The following PHF12 variants were observed in gnomAD, a reference collection of about 807,000 sequenced individuals.
PHF12 encodes PHD factor 1.
Under a neutral mutation model 99.8 loss-of-function variants are expected in PHF12, and 6 were observed. That is an observed-to-expected ratio of 0.06 (90% CI 0.03 to 0.12). PHF12 has a LOEUF of 0.12. Ranked by LOEUF, PHF12 falls within the 10% of genes least tolerant of loss-of-function variation. The probability of loss-of-function intolerance (pLI) is 1.00; values close to 1 mark genes in which losing one functional copy is unlikely to be tolerated. For synonymous variants in PHF12, 480 were observed against 514.9 expected, an observed-to-expected ratio of 0.93 and a Z score of 0.92; for missense variants, 954 against 1,300.1, an observed-to-expected ratio of 0.73 and a Z score of 4.09.
chr17:28,941,818 G>C (rs2040622257), intron 2 of PHF12, among the ~76,000 whole-genome samples: 1 of 152,112 alleles, frequency 6.6e-6, no homozygotes, highest in South Asian at 2.1e-4. Context: ...TGTTGGTCAG[G>C]CTGGTCTCGA....
At position 28,906,040 on chromosome 17, in the gene PHF12, AGGTTT is replaced by A. The variant is rs1278469063; in HGVS notation, c.*138_*142del. ...AAAGGATTTTTAAAAAACAGTCAAA[AGGTTT>A]TCTTCATTTCATGCAAAGATTGTAG... On this transcript the variant is annotated 3_prime_UTR_variant, in exon 15 of 15. Coordinates refer to ENST00000332830, the MANE Select transcript of PHF12 (RefSeq NM_001033561.2). The surrounding 1 kb of genome is among the most constrained non-coding windows in gnomAD (Gnocchi z 4.2). 1.2e-6 allele frequency: 1 copy of A among 809,598 alleles called. No individual in the cohort carries two copies. The highest frequency in any genetic ancestry group is 1.8e-6 in the Non-Finnish European group (1 of 547,802). 50.2% of individuals were successfully genotyped at this position (809,598 alleles called of 1,614,324 possible). A position where few individuals can be genotyped will look rare whatever the true frequency, so the allele number is the denominator to read the frequency against.
intron 2 of PHF12, among the ~76,000 whole-genome samples, chr17:28,937,621 C>T (rs2040533258): frequency 1.3e-5 from 2 of 152,156 alleles, no homozygotes; most frequent in African/African-American, 4.8e-5. Context: ...GTAGAGCTGG[C>T]TGGTGGCATC....
In PHF12 at chr17:28,923,653, C is replaced by CAAAAAAAAAAAAAAAAAAAAAAA. The variant is rs35263191; in HGVS notation, c.715+255_715+256insTTTTTTTTTTTTTTTTTTTTTTT. ...AGCCTGAGTGACAAAGTGAGACTCA[C>CAAAAAAAAAAAAAAAAAAAAAAA]AAAAAAAAAAAAAAAAAAAAAAGGA... On this transcript the variant is annotated intron_variant, in intron 4 of 14. Coordinates refer to ENST00000332830, the MANE Select transcript of PHF12 (RefSeq NM_001033561.2). 9.0e-4 allele frequency among the ~76,000 whole-genome samples: 39 copies of CAAAAAAAAAAAAAAAAAAAAAAA among 43,478 alleles called. 2 individuals are homozygous for CAAAAAAAAAAAAAAAAAAAAAAA. The highest frequency in any genetic ancestry group is 1.7e-3 in the African/African-American group (18 of 10,378). 28.5% of individuals were successfully genotyped at this position (43,478 alleles called of 152,430 possible). A position where few individuals can be genotyped will look rare whatever the true frequency, so the allele number is the denominator to read the frequency against.
chr17:28,914,044 A>G lies in PHF12; in HGVS notation c.1135-7T>C. 8 of 1,594,544 alleles carry G rather than the reference A, an allele frequency of 5.0e-6. No homozygotes were observed. The highest frequency in any genetic ancestry group is 6.9e-6 in the Non-Finnish European group (8 of 1,164,006). On this transcript the variant is annotated splice_region_variant and splice_polypyrimidine_tract_variant and intron_variant, in intron 7 of 14. Transcript: ENST00000332830. Reference sequence around the variant, plus strand: ...ATTTTATAGCATCAGGAACCTGTTCAGGATAGATAGAAGGAGGAAGGAGAG... The same window carrying G: ...ATTTTATAGCATCAGGAACCTGTTCGGGATAGATAGAAGGAGGAAGGAGAG...
At chr17:28,911,289 C>T (rs952957880) in intron 9 of PHF12, 52 bp from the exon 10 acceptor site, 18 of 1,606,640 alleles carry the variant, frequency 1.1e-5, no homozygotes, top group Admixed American at 1.7e-5. Context: ...GGAAACCCAC[C>T]GTCCAATCCC....
rs1371857024 is a variant in PHF12 at position 28,910,462 on chromosome 17, C to G, written c.2216-93G>C. 4.2e-6 allele frequency: 6 copies of G among 1,428,310 alleles called. No homozygotes were observed. The Admixed American group carries it at 1.3e-4, about 30-fold the overall frequency. The allele number at this position is 1,428,310 out of a possible 1,614,324, so 88.5% of individuals were successfully genotyped here. ...TCACAGAGCAAATAGTTTGGCATTT[C>G]TAAAATCCAGCCAAGTGATTTTTAC... On this transcript the variant is annotated intron_variant, in intron 10 of 14. Coordinates refer to ENST00000332830, the MANE Select transcript of PHF12 (RefSeq NM_001033561.2).
rs565689318 is a variant in PHF12, at chr17:28,907,908, G to C, written c.2459-236C>G. 146 of 408,552 alleles carry C rather than the reference G, an allele frequency of 3.6e-4. 4 individuals carry two copies. Among genetic ancestry groups the C allele is most frequent in the South Asian group, 1.6e-3 (67 of 41,100 alleles). 25.3% of individuals were successfully genotyped at this position (408,552 alleles called of 1,614,324 possible). On this transcript the variant is annotated intron_variant, in intron 12 of 14. Transcript: ENST00000332830. ...CTGATCTGCTTTAGAACATGTGGCT[G>C]CTACCCAGAAGGGAAGAGTGAGCTA... is the stretch of plus-strand genomic sequence containing the variant.
chr17:28,922,806 C>A (rs964540297), intron 4 of PHF12, among the ~76,000 whole-genome samples: 1 of 152,092 alleles, frequency 6.6e-6, no homozygotes, highest in Admixed American at 6.6e-5. Flanking sequence ...GAAGGCCAGG[C>A]GCAGTGGCTC....
rs201543173 is a variant in PHF12, at chr17:28,911,245, C to T, written c.2090-8G>A. 6.4e-5 allele frequency: 104 copies of T among 1,613,902 alleles called. No homozygotes were observed. The African/African-American group carries it at 1.0e-3, about 16-fold the overall frequency. On this transcript the variant is annotated splice_polypyrimidine_tract_variant and splice_region_variant and intron_variant, in intron 9 of 14. Transcript: ENST00000332830. ...CGGGGCTGACCTTGCCATCTGGGGA[C>T]GGAGCAGGAAGACTGTTACTTACGT...
At position 28,913,978 on chromosome 17, in the gene PHF12, G is replaced by T; in HGVS notation, c.1194C>A (p.Ala398=). 6.2e-7 allele frequency: 1 copy of T among 1,613,778 alleles called. No homozygotes were observed. The highest frequency in any genetic ancestry group is 8.5e-7 in the Non-Finnish European group (1 of 1,179,732). Residue 398 remains alanine, a synonymous_variant, in exon 8 of 15, where the codon GCC becomes GCA. Coordinates refer to ENST00000332830, the MANE Select transcript of PHF12 (RefSeq NM_001033561.2). ...QFPPPLIAPA[A]IRDGELICNG... is the part of the protein sequence containing the mutation. ...TGCAGATCAGCTCCCCGTCCCGAAT[G>T]GCCGCGGGTGCAATGAGAGGGGGTG...
intron 5 of PHF12, among the ~76,000 whole-genome samples, chr17:28,919,849 G>A (rs541936133): frequency 2.0e-5 from 3 of 152,320 alleles, no homozygotes; most frequent in African/African-American, 7.2e-5. Flanking sequence ...ATGTCTTGCG[G>A]GAAAGTGAAT....
Position 28,949,622 on chromosome 17 carries a change from G to A in PHF12, c.248+443C>T, listed in dbSNP as rs963063833. On this transcript the variant is annotated intron_variant, in intron 2 of 14. Transcript: ENST00000332830. This position sits in a 1 kb window ranked among gnomAD's most constrained non-coding sequence, Gnocchi z 4.6. ...CAGCCACAAGCGCCCGGTTGCCGGGGTCTGGACCAGGGCAACTCAGGTGGC... is the reference window on the plus strand; with the variant it reads ...CAGCCACAAGCGCCCGGTTGCCGGGATCTGGACCAGGGCAACTCAGGTGGC... 6.2e-6 allele frequency: 1 copy of A among 160,536 alleles called. No individual in the cohort carries two copies. The highest frequency in any genetic ancestry group is 2.4e-5 in the African/African-American group (1 of 41,792). The allele number at this position is 160,536 out of a possible 1,614,324, so 9.9% of individuals were successfully genotyped here.
intron 2 of PHF12, among the ~76,000 whole-genome samples, chr17:28,937,524 G>C (rs1241084434): frequency 6.6e-6 from 1 of 152,220 alleles, no homozygotes; most frequent in Non-Finnish European, 1.5e-5. Context: ...ATGCCCCATT[G>C]AGAAACTTAG....
chr17:28,911,168 G>C lies in PHF12; in HGVS notation c.2159C>G (p.Ser720Cys), dbSNP rs1240221118. ...GTTGGTGAGGTCCACCATGGCAGTA[G>C]AGTTGGCTGGGAAAGAGGGTACGGT... ...ALTVPSFPAN[S>C]TAMVDLTNSL... Residue 720 changes from serine (S) to cysteine (C), a missense_variant, in exon 10 of 15, where the codon TCT becomes TGT. By Grantham distance (112) the Ser-to-Cys change is moderately radical. Coordinates refer to ENST00000332830, the MANE Select transcript of PHF12 (RefSeq NM_001033561.2). 1.2e-6 allele frequency: 2 copies of C among 1,614,230 alleles called. No homozygotes were observed. Among genetic ancestry groups the C allele is most frequent in the South Asian group, 1.1e-5 (1 of 91,086 alleles).
intron 2 of PHF12, among the ~76,000 whole-genome samples, chr17:28,935,431 T>C (rs1238702104): frequency 1.3e-5 from 2 of 151,958 alleles, no homozygotes; most frequent in Non-Finnish European, 2.9e-5. Context: ...ACCACCACAC[T>C]GGGCTAATTT....
intron 2 of PHF12, among the ~76,000 whole-genome samples, chr17:28,935,215 T>C (rs1005766647): frequency 6.6e-6 from 1 of 152,238 alleles, no homozygotes; most frequent in African/African-American, 2.4e-5. Context: ...TGGCCTACAA[T>C]TCCTGGCCAG....
chr17:28,921,541 G>T, intron 5 of PHF12, 147 bp downstream of exon 5: 2 of 1,027,570 alleles, frequency 1.9e-6, no homozygotes. Context: ...CAAGGCTCTC[G>T]TCAGTCCATT....
In PHF12 at chr17:28,919,134, T is replaced by G; in HGVS notation, c.969+9A>C. The G allele has an allele frequency of 1.2e-6, 2 of 1,612,920 alleles. No individual in the cohort carries two copies. Among genetic ancestry groups the G allele is most frequent in the Non-Finnish European group, 1.7e-6 (2 of 1,179,102 alleles). ...CCATTGAGGACTGAATGGACACTGCTGTGCTTACCACCACATGTTCGATGT... is the reference window on the plus strand; with the variant it reads ...CCATTGAGGACTGAATGGACACTGCGGTGCTTACCACCACATGTTCGATGT... On this transcript the variant is annotated intron_variant, in intron 6 of 14. Transcript: ENST00000332830.
rs1187825922 is a variant in PHF12, at chr17:28,950,466, G to T, written c.67-220C>A. ...AACGAGAACAGCTTCTTCCAAATGGGGAGGATCAAGGGTAGGGGGATGGGA... is the reference window on the plus strand; with the variant it reads ...AACGAGAACAGCTTCTTCCAAATGGTGAGGATCAAGGGTAGGGGGATGGGA... On this transcript the variant is annotated intron_variant, in intron 1 of 14. Coordinates refer to ENST00000332830, the MANE Select transcript of PHF12 (RefSeq NM_001033561.2). The surrounding 1 kb of genome is among the most constrained non-coding windows in gnomAD (Gnocchi z 5.7). The T allele has an allele frequency of 1.7e-6, 1 of 593,132 alleles. No individual in the cohort carries two copies. The highest frequency in any genetic ancestry group is 1.9e-5 in the African/African-American group (1 of 53,558). The allele number at this position is 593,132 out of a possible 1,614,324, so 36.7% of individuals were successfully genotyped here.
Sources: allele counts gnomAD v4.1 joint callset (sites outside exome capture counted in the v4.1 genomes callset), GRCh38; gene constraint gnomAD v4.1.1; non-coding constraint Gnocchi (gnomAD v3.1); transcripts MANE v1.5; gene names NCBI Gene and HGNC (gene_info 2026-07-23, HGNC 2026-07-21).